The following CSF1R variants were observed in gnomAD, a reference collection of about 807,000 sequenced individuals.
CSF1R encodes the protein colony stimulating factor 1 receptor, also known as macrophage colony-stimulating factor 1 receptor.
In CSF1R, 40 loss-of-function variants were observed where a neutral mutation model predicts 110.0. That is an observed-to-expected ratio of 0.36 (90% confidence interval 0.28 to 0.47). The LOEUF (loss-of-function observed/expected upper bound fraction) is 0.47, where lower values mean the gene tolerates loss of function less well. Among genes scored for constraint, CSF1R ranks in the 20% least tolerant of loss-of-function variants. The pLI is 0.99. For synonymous variants in CSF1R, 523 were observed against 503.4 expected, an observed-to-expected ratio of 1.04 and a Z score of -0.52; for missense variants, 1,052 against 1,253.0, an observed-to-expected ratio of 0.84 and a Z score of 2.42.
At chr5:150,110,818 A>G (rs61198192) in intron 1 of CSF1R, among the ~76,000 whole-genome samples, 20,415 of 152,204 alleles carry the variant, frequency 0.13, 2,282 homozygotes, top group African/African-American at 0.29. Flanking sequence ...AACATATAAA[A>G]ATACTCAAAG....
chr5:150,076,868 T>TG, intron 5 of CSF1R: 1 of 244,910 alleles, frequency 4.1e-6, no homozygotes, highest in Non-Finnish European at 8.1e-6. Context: ...TCTCGAAGCC[T>TG]GGGTTGGGGG....
At chr5:150,071,229 G>A (rs1758018953) in intron 6 of CSF1R, among the ~76,000 whole-genome samples, 2 of 152,170 alleles carry the variant, frequency 1.3e-5, no homozygotes, top group Admixed American at 1.3e-4. Context: ...AAAGGCCCTG[G>A]AGCAAAAACT....
intron 1 of CSF1R, among the ~76,000 whole-genome samples, chr5:150,102,525 G>A (rs1759435263): frequency 6.6e-6 from 1 of 152,122 alleles, no homozygotes; most frequent in East Asian, 1.9e-4. Flanking sequence ...TATCACGCAG[G>A]CTGGAGTGCA....
chr5:150,106,500 C>A (rs1460621294), intron 1 of CSF1R, among the ~76,000 whole-genome samples: 4 of 152,136 alleles, frequency 2.6e-5, no homozygotes, highest in African/African-American at 7.2e-5. Context: ...AAGCTAGGAG[C>A]CAGGGACCCA....
At chr5:150,087,481 A>G (rs972665407), upstream of CSF1R, among the ~76,000 whole-genome samples, 17 of 152,236 alleles carry the variant, frequency 1.1e-4, no homozygotes, top group Admixed American at 1.3e-4. Flanking sequence ...AAGCTTGTCC[A>G]TAGTCAAACA....
intron 16 of CSF1R, 151 bp from the exon 17 acceptor site, chr5:150,056,492 T>C (rs1399120812): frequency 1.1e-6 from 1 of 908,716 alleles, no homozygotes. Flanking sequence ...TGTCTATACC[T>C]TCTACCAGGG....
intron 1 of CSF1R, among the ~76,000 whole-genome samples, chr5:150,085,251 G>A (rs1487685175): frequency 1.5e-5 from 2 of 136,344 alleles, no homozygotes; most frequent in Non-Finnish European, 3.1e-5. Flanking sequence ...ACTCCAGCCT[G>A]GTGACAGAGA....
intron 5 of CSF1R, 114 bp downstream of exon 5, chr5:150,077,162 G>A: frequency 7.2e-7 from 1 of 1,390,466 alleles, no homozygotes; most frequent in Non-Finnish European, 1.0e-6. Flanking sequence ...ACAAACTCCA[G>A]CAGAGATATC....
Position 150,053,590 on chromosome 5 carries a change from C to G in CSF1R, c.*479G>C, listed in dbSNP as rs1364217039. ...CTGTGAGATTCTTAGAGGAGCCATC[C>G]TGCTCCAAGGGGCCTGAGCTGAGTG... On this transcript the variant is annotated 3_prime_UTR_variant, in exon 21 of 21. Coordinates refer to ENST00000675795, the MANE Select transcript of CSF1R (RefSeq NM_001288705.3). The G allele has an allele frequency of 7.8e-6, 2 of 256,180 alleles. No homozygotes were observed. Among genetic ancestry groups the G allele is most frequent in the Admixed American group, 4.9e-5 (1 of 20,368 alleles). 15.9% of individuals were successfully genotyped at this position (256,180 alleles called of 1,614,324 possible).
intron 3 of CSF1R, among the ~76,000 whole-genome samples, chr5:150,078,768 C>T (rs545527784): frequency 6.6e-6 from 1 of 152,284 alleles, no homozygotes; most frequent in East Asian, 1.9e-4. Context: ...ACCCACCTTT[C>T]CCTCCTGGAA....
Position 150,074,305 on chromosome 5 carries a change from G to GTTTTTT in CSF1R, c.890-818_890-813dup, listed in dbSNP as rs35475636. Among the ~76,000 whole-genome samples the GTTTTTT allele has an allele frequency of 2.3e-3, 295 of 126,852 alleles. 5 individuals carry two copies. The highest frequency in any genetic ancestry group is 3.8e-3 in the Non-Finnish European group (234 of 61,524). The allele number at this position is 126,852 out of a possible 152,430, so 83.2% of individuals were successfully genotyped here. ...CTTGTATCTGAAAGAGTCCTGACTAGTTTTTTTTTTTTTTTTTTTTGAAAC... is the reference window on the plus strand; with the variant it reads ...CTTGTATCTGAAAGAGTCCTGACTAGTTTTTTTTTTTTTTTTTTTTTTTTTTGAAAC... On this transcript the variant is annotated intron_variant, in intron 5 of 20. Coordinates refer to ENST00000675795, the MANE Select transcript of CSF1R (RefSeq NM_001288705.3).
At position 150,080,344 on chromosome 5, in the gene CSF1R, AGAG is replaced by A. The variant is rs2113831810; in HGVS notation, c.308-11_308-9del. ...TCCAGGGCCGGGCAGGGTCTAGAGT[AGAG>A]GAGGGCACAGGGTTACAACTGCCCT... On this transcript the variant is annotated splice_polypyrimidine_tract_variant and intron_variant, in intron 2 of 20. Transcript: ENST00000675795. 2.5e-6 allele frequency: 4 copies of A among 1,610,520 alleles called. No homozygotes were observed. Among genetic ancestry groups the A allele is most frequent in the Non-Finnish European group, 3.4e-6 (4 of 1,177,942 alleles).
rs752235921 is a variant in CSF1R, at chr5:150,060,853, G to A, written c.1969+9C>T. The A allele has an allele frequency of 1.3e-6, 2 of 1,590,988 alleles. No individual in the cohort carries two copies. Among genetic ancestry groups the A allele is most frequent in the Non-Finnish European group, 8.6e-7 (1 of 1,165,186 alleles). On this transcript the variant is annotated intron_variant, in intron 13 of 20. Coordinates refer to ENST00000675795, the MANE Select transcript of CSF1R (RefSeq NM_001288705.3). ...AAGACCTTGGCCCCAGGAACCCCAA[G>A]GCCCTTACCTCCATGGGTACAGGCT...
At position 150,059,787 on chromosome 5, in the gene CSF1R, A is replaced by G. The variant is rs1757421220; in HGVS notation, c.2045T>C (p.Met682Thr). ...LNFLRRKAEA[M>T]LGPSLSPGQD... ...GCCGGGGCTCAGGCTGGGTCCCAGC[A>G]TGGCCTCAGCCTTCCTTCGCAGAAA... The change falls in exon 14 of 21, where the codon ATG (methionine) becomes ACG (threonine). Residue 682 changes from methionine (M) to threonine (T), a missense_variant. Met to Thr is a moderately conservative substitution (Grantham distance 81). Around this residue, in one of 5 missense-constraint regions of CSF1R, gnomAD observed 124 missense variants for 117.7 expected, o/e 1.05. Transcript: ENST00000675795. 1.2e-6 allele frequency: 2 copies of G among 1,614,188 alleles called. No individual in the cohort carries two copies. Among genetic ancestry groups the G allele is most frequent in the South Asian group, 1.1e-5 (1 of 91,082 alleles).
rs1759335777 is a variant in CSF1R, at chr5:150,099,581, T to C, written c.-180-12974A>G. Among the ~76,000 whole-genome samples the C allele has an allele frequency of 2.0e-5, 3 of 152,162 alleles. No homozygotes were observed. In the South Asian group the frequency reaches 6.2e-4, roughly 32 times the overall value. ...AACAAACTTCTGATGTACACAACGA[T>C]GTGGATGACTCTCAAATTCTTTATG... On this transcript the variant is annotated intron_variant, in intron 1 of 21. Coordinates refer to the CSF1R transcript ENST00000286301.
In CSF1R at chr5:150,055,278, A is replaced by C. The variant is rs778711104; in HGVS notation, c.2613T>G (p.Asp871Glu). Residue 871 changes from aspartate to glutamate, a missense_variant, in exon 19 of 21, where the codon GAT becomes GAG. Asp to Glu is a conservative substitution (Grantham distance 45). Around this residue, in one of 5 missense-constraint regions of CSF1R, gnomAD observed 74 missense variants for 187.4 expected, o/e 0.39. Coordinates refer to ENST00000675795, the MANE Select transcript of CSF1R (RefSeq NM_001288705.3). ...ATGCAGGCTGGGCCATTTGGTATCC[A>C]TCCTTCACCAGTTTATAGAACTTGC... ...VNSKFYKLVK[D>E]GYQMAQPAFA... The C allele has an allele frequency of 1.3e-5, 21 of 1,614,080 alleles. No individual in the cohort carries two copies. Among genetic ancestry groups the C allele is most frequent in the Non-Finnish European group, 1.7e-5 (20 of 1,180,036 alleles).
At chr5:150,103,122 CA>C (rs1183771599) in intron 1 of CSF1R, among the ~76,000 whole-genome samples, 1 of 152,236 alleles carries the variant, frequency 6.6e-6, no homozygotes, top group Non-Finnish European at 1.5e-5. Flanking sequence ...TCAGCTCACA[CA>C]GCTACTTTGG....
intron 1 of CSF1R, among the ~76,000 whole-genome samples, chr5:150,110,198 C>CT (rs904086071): frequency 2.1e-4 from 32 of 152,160 alleles, no homozygotes; most frequent in African/African-American, 7.0e-4. Flanking sequence ...TGCTCCTGCT[C>CT]TTTTTTTTCA....
intron 1 of CSF1R, among the ~76,000 whole-genome samples, chr5:150,104,508 C>G (rs978447247): frequency 6.6e-6 from 1 of 152,242 alleles, no homozygotes; most frequent in African/African-American, 2.4e-5. Flanking sequence ...CAGCATTTTC[C>G]TTGCATGGCA....
Sources: gnomAD v4.1 joint callset for allele counts (sites outside exome capture counted in the v4.1 genomes callset) on GRCh38, gnomAD v4.1.1 for gene constraint, gnomAD v4.1.1 regional missense constraint, MANE v1.5 for transcripts, NCBI Gene and HGNC (gene_info 2026-07-23, HGNC 2026-07-21) for gene names.